The following KCTD16 variants were observed in gnomAD, a reference collection of about 807,000 sequenced individuals.
KCTD16 encodes potassium channel tetramerization domain containing 16.
In KCTD16, 13 loss-of-function variants were observed where a neutral mutation model predicts 33.2. The observed-to-expected ratio is 0.39, with a 90% confidence interval of 0.25 to 0.62. The LOEUF (loss-of-function observed/expected upper bound fraction) is 0.62. Among genes scored for constraint, KCTD16 ranks in the 20% least tolerant of loss-of-function variants. The pLI is 0.50. For synonymous variants in KCTD16, 197 were observed against 195.3 expected (o/e 1.01, Z -0.07); for missense variants, 441 against 525.1 (o/e 0.84, Z 1.57).
At chr5:144,311,336 A>G (rs1384941874) in intron 3 of KCTD16, among the ~76,000 whole-genome samples, 1 of 152,196 alleles carries the variant, frequency 6.6e-6, no homozygotes, top group African/African-American at 2.4e-5. Flanking sequence ...ATTGTTGTGA[A>G]GATTATGTGA....
chr5:144,471,702 G>A (rs1179087616), intron 3 of KCTD16, among the ~76,000 whole-genome samples: 1 of 152,186 alleles, frequency 6.6e-6, no homozygotes, highest in Non-Finnish European at 1.5e-5. Flanking sequence ...TCACCAGCTG[G>A]TATATGCTGA....
chr5:144,236,392 G>A (rs1030155474), intron 3 of KCTD16, among the ~76,000 whole-genome samples: 3 of 152,124 alleles, frequency 2.0e-5, no homozygotes, highest in Non-Finnish European at 4.4e-5. Flanking sequence ...AGCATATGCA[G>A]GGGCATGGAA....
chr5:144,468,813 C>T (rs985448120), intron 3 of KCTD16, among the ~76,000 whole-genome samples: 21 of 152,124 alleles, frequency 1.4e-4, no homozygotes, highest in Admixed American at 4.6e-4. Context: ...CATTAGCAGG[C>T]GGAAAATTTG....
chr5:144,221,522 G>A (rs1448746735), intron 3 of KCTD16, among the ~76,000 whole-genome samples: 1 of 152,076 alleles, frequency 6.6e-6, no homozygotes, highest in Non-Finnish European at 1.5e-5. Flanking sequence ...GCAGTGTTTG[G>A]TTTTCTGTTC....
Position 144,385,939 on chromosome 5 carries a change from C to T in KCTD16, c.833-87721C>T, listed in dbSNP as rs1752313926. On this transcript the variant is annotated intron_variant, in intron 3 of 3. Coordinates refer to ENST00000512467, the MANE Select transcript of KCTD16 (RefSeq NM_020768.4). ...TTTTAAAAGTTTCACATGCCATCTA[C>T]TCTTCATTAAAAATATTCATGGTAG... Among the ~76,000 whole-genome samples, 3 of 152,032 alleles carry T rather than the reference C, an allele frequency of 2.0e-5. No homozygotes were observed. In the South Asian group the frequency reaches 6.2e-4, roughly 31 times the overall value.
rs759193764 is a variant in KCTD16 at position 144,445,041 on chromosome 5, A to G, written c.833-28619A>G. ...TGACAATTAAATTTTTCTTTTTAGC[A>G]TTTGTTCTGTTCCCTTGCCTCATTT... On this transcript the variant is annotated intron_variant, in intron 3 of 3. Coordinates refer to ENST00000512467, the MANE Select transcript of KCTD16 (RefSeq NM_020768.4). 1.1e-4 allele frequency among the ~76,000 whole-genome samples: 17 copies of G among 151,114 alleles called. No individual in the cohort carries two copies. In the South Asian group the frequency reaches 1.2e-3, roughly 11 times the overall value.
rs928902788 is a variant in KCTD16 at position 144,484,264 on chromosome 5, A to G, written c.*10150A>G. ...AGGTATTCTAGTTAAGACACACAGA[A>G]ACACAAACTTAGCGGAGCTGCACTT... On this transcript the variant is annotated 3_prime_UTR_variant, in exon 4 of 4. Coordinates refer to ENST00000512467, the MANE Select transcript of KCTD16 (RefSeq NM_020768.4). The G allele has an allele frequency of 6.6e-6, 1 of 151,930 alleles. No homozygotes were observed. The highest frequency in any genetic ancestry group is 2.4e-5 in the African/African-American group (1 of 41,428). The allele number at this position is 151,930 out of a possible 1,614,324, so 9.4% of individuals were successfully genotyped here.
chr5:144,317,474 G>C (rs1024071277), intron 3 of KCTD16, among the ~76,000 whole-genome samples: 1 of 152,196 alleles, frequency 6.6e-6, no homozygotes, highest in African/African-American at 2.4e-5. Context: ...CAGCATACTA[G>C]TGTAGGCACA....
intron 3 of KCTD16, chr5:144,384,353 G>C (rs557750939): frequency 6.6e-6 from 1 of 152,212 alleles, no homozygotes; most frequent in South Asian, 2.1e-4. Flanking sequence ...AAGGAGCTTC[G>C]TCATTCTGTG....
intron 3 of KCTD16, among the ~76,000 whole-genome samples, chr5:144,245,675 C>T (rs539678601): frequency 6.6e-6 from 1 of 152,270 alleles, no homozygotes; most frequent in South Asian, 2.1e-4. Flanking sequence ...CATGGTTTAA[C>T]ATCATCCCCC....
chr5:144,224,383 G>GTTTTTTT (rs530446253), intron 3 of KCTD16, among the ~76,000 whole-genome samples: 18 of 100,340 alleles, frequency 1.8e-4, no homozygotes, highest in Non-Finnish European at 2.5e-4. Flanking sequence ...AATATAATGT[G>GTTTTTTT]TTTTTTTTTT....
rs376096006 is a variant in KCTD16, at chr5:144,243,735, C to CT, written c.832+36197dup. Among the ~76,000 whole-genome samples the CT allele has an allele frequency of 2.0e-3, 296 of 151,788 alleles. 3 individuals are homozygous for CT. The highest frequency in any genetic ancestry group is 6.6e-3 in the African/African-American group (273 of 41,386). On this transcript the variant is annotated intron_variant, in intron 3 of 3. Coordinates refer to ENST00000512467, the MANE Select transcript of KCTD16 (RefSeq NM_020768.4). The stretch of plus-strand genomic sequence containing the variant: ...AAGAACTTCTGTCCCCATGAATACT[C>CT]TTTTTTTTGTTTTGTTTTTTTTAGA...
chr5:144,234,315 G>T (rs1458786355), intron 3 of KCTD16, among the ~76,000 whole-genome samples: 3 of 152,078 alleles, frequency 2.0e-5, no homozygotes, highest in Non-Finnish European at 4.4e-5. Context: ...AGAAAGTTCA[G>T]ATTTTAATGT....
chr5:144,462,094 T>A (rs1171967855), intron 3 of KCTD16, among the ~76,000 whole-genome samples: 1 of 152,180 alleles, frequency 6.6e-6, no homozygotes, highest in African/African-American at 2.4e-5. Context: ...TGGCATTTTT[T>A]AATTTTACCT....
At chr5:144,219,589 C>T (rs914052814) in intron 3 of KCTD16, among the ~76,000 whole-genome samples, 2 of 142,364 alleles carry the variant, frequency 1.4e-5, no homozygotes, top group African/African-American at 2.7e-5. Flanking sequence ...GGCGCGATCT[C>T]GGCTCACTGC....
At chr5:144,352,192 A>G (rs1019151288) in intron 3 of KCTD16, among the ~76,000 whole-genome samples, 1 of 152,206 alleles carries the variant, frequency 6.6e-6, no homozygotes, top group Non-Finnish European at 1.5e-5. Flanking sequence ...CAGAGGCATA[A>G]TATGATAATG....
At chr5:144,460,981 G>A (rs1039694401) in intron 3 of KCTD16, among the ~76,000 whole-genome samples, 2 of 152,126 alleles carry the variant, frequency 1.3e-5, no homozygotes, top group African/African-American at 4.8e-5. Flanking sequence ...CAGAATGAAA[G>A]GAACATAACC....
intron 3 of KCTD16, among the ~76,000 whole-genome samples, chr5:144,319,653 T>C (rs989759826): frequency 6.6e-5 from 10 of 152,224 alleles, no homozygotes; most frequent in Non-Finnish European, 1.5e-4. Context: ...ACTGTCAATG[T>C]TGTAAGAATG....
At chr5:144,245,886 T>C (rs1319362139) in intron 3 of KCTD16, among the ~76,000 whole-genome samples, 1 of 152,184 alleles carries the variant, frequency 6.6e-6, no homozygotes, top group Non-Finnish European at 1.5e-5. Flanking sequence ...TGCAGAACCA[T>C]GGGCCAATTA....
Sources: allele counts gnomAD v4.1 joint callset (sites outside exome capture counted in the v4.1 genomes callset), GRCh38; gene constraint gnomAD v4.1.1; transcripts MANE v1.5; gene names NCBI Gene and HGNC (gene_info 2026-07-23, HGNC 2026-07-21).